The following SGCZ variants were observed in gnomAD, a reference collection of about 807,000 sequenced individuals.
SGCZ encodes zeta-sarcoglycan.
Under a neutral mutation model 41.3 loss-of-function variants are expected in SGCZ, and 40 were observed. The ratio of observed to expected loss-of-function variants is 0.97; its 90% confidence interval spans 0.75 to 1.26. The LOEUF (loss-of-function observed/expected upper bound fraction) is 1.26, where lower values mean the gene tolerates loss of function less well. SGCZ is among the 50% of genes most tolerant of loss of function. SGCZ has a pLI of 0.00. For missense variants in SGCZ, 552 were observed against 369.8 expected, an observed-to-expected ratio of 1.49 and a Z score of -4.04; for synonymous variants, 206 against 137.5, an observed-to-expected ratio of 1.50 and a Z score of -3.49.
intron 1 of SGCZ, among the ~76,000 whole-genome samples, chr8:14,843,663 C>G (rs192919977): frequency 7.2e-4 from 110 of 152,014 alleles, no homozygotes; most frequent in African/African-American, 2.6e-3. Context: ...ACATACAAAG[C>G]ACATCCAAAA....
At chr8:14,435,788 T>C (rs1329561345) in intron 2 of SGCZ, among the ~76,000 whole-genome samples, 4 of 152,340 alleles carry the variant, frequency 2.6e-5, no homozygotes, top group African/African-American at 7.2e-5. Flanking sequence ...TGTTAACTCA[T>C]TGATGTGCTA....
chr8:14,116,392 C>G (rs775081701), intron 5 of SGCZ, among the ~76,000 whole-genome samples: 3 of 152,010 alleles, frequency 2.0e-5, no homozygotes, highest in Non-Finnish European at 4.4e-5. Context: ...CAAAGTTTTA[C>G]CTACAATTTT....
chr8:14,704,986 G>T (rs766851060), intron 1 of SGCZ, among the ~76,000 whole-genome samples: 29 of 151,938 alleles, frequency 1.9e-4, no homozygotes, highest in Non-Finnish European at 2.4e-4. Flanking sequence ...TTATAACTTT[G>T]AAATTGACAT....
At chr8:15,220,713 C>T (rs879732657) in intron 1 of SGCZ, among the ~76,000 whole-genome samples, 4 of 152,084 alleles carry the variant, frequency 2.6e-5, no homozygotes, top group African/African-American at 7.2e-5. Context: ...CACATGCATA[C>T]GTACGTTTAT....
intron 1 of SGCZ, among the ~76,000 whole-genome samples, chr8:14,806,837 A>G (rs1158736605): frequency 1.3e-5 from 2 of 151,800 alleles, no homozygotes; most frequent in Non-Finnish European, 2.9e-5. Context: ...CCTCAATAAA[A>G]TACTGGCAAA....
At chr8:14,657,747 T>C (rs1807622976) in intron 1 of SGCZ, among the ~76,000 whole-genome samples, 1 of 152,200 alleles carries the variant, frequency 6.6e-6, no homozygotes, top group African/African-American at 2.4e-5. Flanking sequence ...TCAATGTATC[T>C]TACAAATGCA....
intron 1 of SGCZ, among the ~76,000 whole-genome samples, chr8:15,118,853 C>T (rs1017359471): frequency 2.0e-5 from 3 of 152,120 alleles, no homozygotes; most frequent in South Asian, 2.1e-4. Context: ...TTAAGTAATA[C>T]GATACCTGCT....
At chr8:14,153,365 T>C (rs1038902242) in intron 5 of SGCZ, among the ~76,000 whole-genome samples, 7 of 152,178 alleles carry the variant, frequency 4.6e-5, no homozygotes, top group Admixed American at 4.6e-4. Context: ...AGTTTTGACT[T>C]TGTCAAAGAG....
At chr8:14,375,535 T>C (rs1227552701) in intron 2 of SGCZ, among the ~76,000 whole-genome samples, 2 of 152,168 alleles carry the variant, frequency 1.3e-5, no homozygotes, top group African/African-American at 2.4e-5. Context: ...TAAAACTCTC[T>C]GATTGCAATG....
chr8:14,298,467 G>A (rs907592385), intron 3 of SGCZ, among the ~76,000 whole-genome samples: 1 of 151,832 alleles, frequency 6.6e-6, no homozygotes, highest in African/African-American at 2.4e-5. Flanking sequence ...ACTACAATTA[G>A]AAACAAAAGT....
At chr8:14,396,759 G>A (rs561732708) in intron 2 of SGCZ, among the ~76,000 whole-genome samples, 1 of 151,928 alleles carries the variant, frequency 6.6e-6, no homozygotes, top group East Asian at 1.9e-4. Flanking sequence ...ATAGAGTTAC[G>A]AGATAGTGAG....
At chr8:14,881,644 AC>A (rs2130724283) in intron 1 of SGCZ, among the ~76,000 whole-genome samples, 1 of 152,194 alleles carries the variant, frequency 6.6e-6, no homozygotes, top group South Asian at 2.1e-4. Flanking sequence ...AGACTTTAAC[AC>A]CCCACTGACA....
chr8:15,082,972 G>C (rs932812725), intron 1 of SGCZ, among the ~76,000 whole-genome samples: 3 of 150,294 alleles, frequency 2.0e-5, no homozygotes, highest in Admixed American at 2.0e-4. Flanking sequence ...TTCACAGTCT[G>C]ATTTTACCTT....
intron 1 of SGCZ, among the ~76,000 whole-genome samples, chr8:15,209,379 C>G (rs1371854181): frequency 7.0e-6 from 1 of 143,648 alleles, no homozygotes; most frequent in Non-Finnish European, 1.5e-5. Flanking sequence ...TCAAAAAGAC[C>G]CATGCTCAAT....
At chr8:15,171,715 A>G (rs1054494320) in intron 1 of SGCZ, among the ~76,000 whole-genome samples, 5 of 152,176 alleles carry the variant, frequency 3.3e-5, no homozygotes, top group Non-Finnish European at 7.3e-5. Context: ...TTTTGAATAA[A>G]GTGGATATCA....
chr8:14,702,813 G>GTAGATAGACAGA (rs1809189993), intron 1 of SGCZ, among the ~76,000 whole-genome samples: 1 of 115,330 alleles, frequency 8.7e-6, no homozygotes, highest in African/African-American at 3.2e-5. Flanking sequence ...AGGTAGTTAG[G>GTAGATAGACAGA]TAGATAGATA....
chr8:14,623,857 A>T (rs953372725), intron 1 of SGCZ, among the ~76,000 whole-genome samples: 2 of 152,148 alleles, frequency 1.3e-5, no homozygotes, highest in Non-Finnish European at 2.9e-5. Context: ...AGCCTTCTGG[A>T]ACAGAACTTC....
intron 1 of SGCZ, among the ~76,000 whole-genome samples, chr8:14,568,806 T>C (rs1281734081): frequency 6.6e-6 from 1 of 152,172 alleles, no homozygotes; most frequent in Non-Finnish European, 1.5e-5. Flanking sequence ...TACTCCATCA[T>C]TACATCCATG....
intron 1 of SGCZ, among the ~76,000 whole-genome samples, chr8:15,060,377 G>A (rs1330396670): frequency 1.3e-5 from 2 of 151,886 alleles, no homozygotes; most frequent in East Asian, 3.9e-4. Context: ...TAGGGACATG[G>A]ATGAAGCTGG....
Sources: allele counts gnomAD v4.1 joint callset (sites outside exome capture counted in the v4.1 genomes callset), GRCh38; gene constraint gnomAD v4.1.1; transcripts MANE v1.5; gene names NCBI Gene and HGNC (gene_info 2026-07-23, HGNC 2026-07-21).